The following CSMD2 variants were observed in gnomAD, a reference collection of about 807,000 sequenced individuals.
CSMD2 encodes CUB and Sushi multiple domains 2, also known as CUB and sushi domain-containing protein 2.
A neutral mutation model predicts 398.5 loss-of-function variants in CSMD2; 130 were observed. The ratio of observed to expected loss-of-function variants is 0.33; its 90% CI spans 0.28 to 0.38. CSMD2 has a LOEUF of 0.38. Among genes scored for constraint, CSMD2 ranks in the 10% least tolerant of loss-of-function variants. The pLI, the probability that CSMD2 is intolerant of heterozygous loss-of-function variation, is 1.00. For synonymous variants in CSMD2, 1,828 were observed against 1,908.5 expected (o/e 0.96, Z 1.10); for missense variants, 3,829 against 4,764.9 (o/e 0.80, Z 5.78).
Position 34,036,132 on chromosome 1 carries a change from C to A in CSMD2, c.405-3426G>T, listed in dbSNP as rs539692535. 2.6e-4 allele frequency among the ~76,000 whole-genome samples: 40 copies of A among 151,926 alleles called. No homozygotes were observed. In the South Asian group the frequency reaches 7.1e-3, roughly 27 times the overall value. On this transcript the variant is annotated intron_variant, in intron 2 of 70. Transcript: ENST00000373381. ...GGCAGTTTCTTTAAGAAAAAAAAAA[C>A]CACATAACTATACAACTCAGCAATT... is the stretch of plus-strand genomic sequence containing the variant.
Position 33,878,299 on chromosome 1 carries a change from T to C in CSMD2, c.921-31303A>G, listed in dbSNP as rs191076220. On this transcript the variant is annotated intron_variant, in intron 5 of 70. Coordinates refer to ENST00000373381, the MANE Select transcript of CSMD2 (RefSeq NM_001281956.2). ...CAGCACCACATGGGCTAGATGTACA[T>C]GAGATGTGAGCAACCACACTTCCCC... is the stretch of plus-strand genomic sequence containing the variant. The C allele has an allele frequency of 2.0e-5, 3 of 152,374 alleles. No homozygotes were observed. In the East Asian group the frequency reaches 5.8e-4, roughly 29 times the overall value. 9.4% of individuals were successfully genotyped at this position (152,374 alleles called of 1,614,324 possible).
chr1:33,621,624 C>G (rs1271144231), intron 37 of CSMD2, among the ~76,000 whole-genome samples: 1 of 152,220 alleles, frequency 6.6e-6, no homozygotes, highest in Admixed American at 6.5e-5. Flanking sequence ...AGTATGCAAG[C>G]AGTTTCCCTA....
At chr1:34,133,107 G>A (rs1020073270) in intron 1 of CSMD2, among the ~76,000 whole-genome samples, 3 of 152,068 alleles carry the variant, frequency 2.0e-5, no homozygotes, top group Non-Finnish European at 4.4e-5. Flanking sequence ...GACAGATAAG[G>A]CATAGTTCCT....
chr1:33,924,089 T>C (rs1267747269), intron 4 of CSMD2, among the ~76,000 whole-genome samples: 1 of 152,228 alleles, frequency 6.6e-6, no homozygotes, highest in Non-Finnish European at 1.5e-5. Flanking sequence ...GATCCACTTT[T>C]TTAACTCCTC....
In CSMD2 at chr1:34,138,895, C is replaced by T. The variant is rs147079663; in HGVS notation, c.187+26016G>A. ...GCATAAATATGATCTTCTTGTGTAT[C>T]ATATTGGGATTTCAGTGAAATTTTA... is the stretch of plus-strand genomic sequence containing the variant. On this transcript the variant is annotated intron_variant, in intron 1 of 70. Transcript: ENST00000373381. 1.8e-3 allele frequency among the ~76,000 whole-genome samples: 276 copies of T among 152,242 alleles called. 1 individual carries two copies. The highest frequency in any genetic ancestry group is 6.4e-3 in the African/African-American group (267 of 41,516).
At chr1:33,951,524 C>T (rs975159254) in intron 3 of CSMD2, among the ~76,000 whole-genome samples, 1 of 152,204 alleles carries the variant, frequency 6.6e-6, no homozygotes, top group Admixed American at 6.5e-5. Context: ...CCATTTACAT[C>T]GTTGACTGCC....
At chr1:34,088,416 T>C (rs1658165402) in intron 2 of CSMD2, among the ~76,000 whole-genome samples, 1 of 152,180 alleles carries the variant, frequency 6.6e-6, no homozygotes, top group Admixed American at 6.5e-5. Flanking sequence ...CTGTAAGCTC[T>C]TCCCCTTGGG....
At chr1:33,703,297 A>G (rs1191729748) in intron 22 of CSMD2, among the ~76,000 whole-genome samples, 1 of 152,232 alleles carries the variant, frequency 6.6e-6, no homozygotes, top group African/African-American at 2.4e-5. Flanking sequence ...AAATCTATCT[A>G]TGTGATATTG....
intron 1 of CSMD2, among the ~76,000 whole-genome samples, chr1:34,098,866 G>T (rs1335402891): frequency 1.3e-5 from 2 of 152,138 alleles, no homozygotes. Flanking sequence ...TAGCATAATA[G>T]CTGTGGAGGA....
intron 41 of CSMD2, among the ~76,000 whole-genome samples, chr1:33,606,285 C>T (rs1007472012): frequency 6.6e-6 from 1 of 152,226 alleles, no homozygotes; most frequent in Non-Finnish European, 1.5e-5. Context: ...CAGAACGTTC[C>T]TACAGTGGGA....
chr1:33,541,379 A>G, intron 58 of CSMD2, 70 bp from the exon 59 acceptor site: 1 of 1,173,934 alleles, frequency 8.5e-7, no homozygotes, highest in South Asian at 1.3e-5. Context: ...TACCATCCCT[A>G]TCACTCCCTG....
At chr1:33,830,429 A>G (rs1659399772) in intron 6 of CSMD2, among the ~76,000 whole-genome samples, 2 of 152,262 alleles carry the variant, frequency 1.3e-5, no homozygotes, top group African/African-American at 4.8e-5. Flanking sequence ...AGCAAACTCC[A>G]ACAGACTTGC....
chr1:33,883,764 C>T (rs1641396166), intron 5 of CSMD2, among the ~76,000 whole-genome samples: 1 of 152,224 alleles, frequency 6.6e-6, no homozygotes, highest in African/African-American at 2.4e-5. Context: ...AACAAGGCCC[C>T]ACTTTCAAGA....
In CSMD2 at chr1:33,617,508, A is replaced by G. The variant is rs1170533075; in HGVS notation, c.5937T>C (p.Tyr1979=). The G allele has an allele frequency of 1.2e-6, 2 of 1,613,548 alleles. No individual in the cohort carries two copies. Among genetic ancestry groups the G allele is most frequent in the South Asian group, 1.1e-5 (1 of 91,052 alleles). Residue 1979 remains tyrosine, a synonymous_variant, in exon 38 of 71, where the codon TAT becomes TAC. Coordinates refer to ENST00000373381, the MANE Select transcript of CSMD2 (RefSeq NM_001281956.2). ...GTGTCAGGGGAGGTACCTGGAGGGCATATCCCGGCTCACACTGGAAAGACA... is the reference window on the plus strand; with the variant it reads ...GTGTCAGGGGAGGTACCTGGAGGGCGTATCCCGGCTCACACTGGAAAGACA... ...DVVSFQCEPG[Y]ALQGHAHISC...
intron 5 of CSMD2, chr1:33,873,478 A>G (rs569678069): frequency 9.2e-5 from 14 of 152,230 alleles, no homozygotes; most frequent in Non-Finnish European, 1.9e-4. Context: ...ATATCAGGTT[A>G]TAAAAGACTG....
At position 33,537,616 on chromosome 1, in the gene CSMD2, A is replaced by C; in HGVS notation, c.9632-7T>G. ...GGATCCCCGCAGAACACAGCTGGGAAGACGAAGGGAGAAAGGCAGGTCTAA... is the reference window on the plus strand; with the variant it reads ...GGATCCCCGCAGAACACAGCTGGGACGACGAAGGGAGAAAGGCAGGTCTAA... On this transcript the variant is annotated splice_region_variant and splice_polypyrimidine_tract_variant and intron_variant, in intron 60 of 70. Coordinates refer to ENST00000373381, the MANE Select transcript of CSMD2 (RefSeq NM_001281956.2). The surrounding 1 kb of genome is among the most constrained non-coding windows in gnomAD (Gnocchi z 4.6). The C allele has an allele frequency of 6.2e-7, 1 of 1,606,180 alleles. No homozygotes were observed. The highest frequency in any genetic ancestry group is 8.5e-7 in the Non-Finnish European group (1 of 1,175,532).
chr1:33,708,285 G>A (rs1453839232), intron 22 of CSMD2, among the ~76,000 whole-genome samples: 1 of 152,070 alleles, frequency 6.6e-6, no homozygotes, highest in Non-Finnish European at 1.5e-5. Flanking sequence ...CATCATCGTA[G>A]TACACTGAAG....
At chr1:33,657,775 C>T (rs760960450) in intron 27 of CSMD2, among the ~76,000 whole-genome samples, 171 bp downstream of exon 27, 1 of 152,112 alleles carries the variant, frequency 6.6e-6, no homozygotes, top group Non-Finnish European at 1.5e-5. Context: ...TGAGTGAGTG[C>T]GTGTGGGGAC....
intron 4 of CSMD2, among the ~76,000 whole-genome samples, chr1:33,923,296 A>C (rs952822291): frequency 1.3e-5 from 2 of 152,018 alleles, no homozygotes; most frequent in Non-Finnish European, 2.9e-5. Context: ...ACAGTGAGTG[A>C]GTCATCTCGA....
Sources: gnomAD v4.1 joint callset for allele counts (sites outside exome capture counted in the v4.1 genomes callset) on GRCh38, gnomAD v4.1.1 for gene constraint, Gnocchi (gnomAD v3.1) non-coding constraint, MANE v1.5 for transcripts, NCBI Gene and HGNC (gene_info 2026-07-23, HGNC 2026-07-21) for gene names.